Variants in OR2L13 observed in about 807,000 individuals in gnomAD.
OR2L13 encodes olfactory receptor 2L13.
A neutral mutation model predicts 15.3 loss-of-function variants in OR2L13; 14 were observed. The ratio of observed to expected loss-of-function variants is 0.91; its 90% CI spans 0.60 to 1.43. OR2L13 has a LOEUF of 1.43. Ranked by LOEUF, OR2L13 falls within the 40% of genes most tolerant of loss-of-function variation. The pLI, the probability that OR2L13 is intolerant of heterozygous loss-of-function variation, is 0.00. For missense variants in OR2L13, 367 were observed against 387.9 expected (o/e 0.95, Z 0.45); for synonymous variants, 152 against 142.9 (o/e 1.06, Z -0.45).
the OR2L13 span, among the ~76,000 whole-genome samples, chr1:248,027,679 G>C: frequency 3.1e-3 from 474 of 152,168 alleles, 3 homozygotes; most frequent in Middle Eastern, 0.031. Flanking sequence ...GATATATTGG[G>C]CCTAAAAATA....
At chr1:248,098,766 C>A (rs1219794088) in exon 2 of OR2L13, 1 of 152,314 alleles carries the variant, frequency 6.6e-6, no homozygotes. Flanking sequence ...ACCTCTCACT[C>A]CAAGCCCAGG....
the OR2L13 span, among the ~76,000 whole-genome samples, chr1:247,982,040 C>T: frequency 5.3e-5 from 8 of 152,298 alleles, no homozygotes; most frequent in Non-Finnish European, 1.2e-4. Context: ...TGGTCTCAAT[C>T]TCCTGACCTC....
chr1:247,958,645 A>G, the OR2L13 span, among the ~76,000 whole-genome samples: 21 of 152,250 alleles, frequency 1.4e-4, no homozygotes, highest in African/African-American at 4.8e-4. Context: ...GTGCATATAT[A>G]TTTAGGATAG....
the OR2L13 span, among the ~76,000 whole-genome samples, chr1:248,082,309 A>T: frequency 1.6e-5 from 2 of 125,054 alleles, no homozygotes; most frequent in African/African-American, 6.2e-5. Flanking sequence ...ACATGGACAC[A>T]GGAAGGGGAA....
the OR2L13 span, chr1:248,084,342 G>T: frequency 3.1e-6 from 5 of 1,612,816 alleles, no homozygotes; most frequent in East Asian, 2.2e-5. Flanking sequence ...CTTATTTCCG[G>T]TCAAGTAGTC....
the OR2L13 span, chr1:247,990,513 G>C: frequency 1.3e-6 from 2 of 1,575,380 alleles, no homozygotes; most frequent in East Asian, 2.2e-5. Flanking sequence ...GATGGTTTAT[G>C]ATTTTTCTGT....
chr1:248,081,418 G>A, the OR2L13 span, among the ~76,000 whole-genome samples: 13,692 of 151,818 alleles, frequency 0.09, 831 homozygotes, highest in African/African-American at 0.17. Context: ...TGTAGCTTTC[G>A]CCTGTATATT....
chr1:248,076,694 T>C, the OR2L13 span, among the ~76,000 whole-genome samples: 1 of 152,230 alleles, frequency 6.6e-6, no homozygotes, highest in Non-Finnish European at 1.5e-5. Context: ...ATTGATTTTG[T>C]ATCCTGAGAC....
At chr1:248,084,679 C>G in the OR2L13 span, 45 of 1,496,746 alleles carry the variant, frequency 3.0e-5, no homozygotes, top group African/African-American at 3.5e-4. Flanking sequence ...TAACTTCCCT[C>G]TTTTTTTTCA....
At chr1:248,046,916 A>C in the OR2L13 span, 1 of 152,178 alleles carries the variant, frequency 6.6e-6, no homozygotes, top group Non-Finnish European at 1.5e-5. Flanking sequence ...ATTTTTATTG[A>C]TTACAGGGAA....
chr1:248,006,225 T>G, the OR2L13 span, among the ~76,000 whole-genome samples: 1 of 150,594 alleles, frequency 6.6e-6, no homozygotes, highest in Non-Finnish European at 1.5e-5. Context: ...CCTGTGGTAC[T>G]GTGAAATATT....
the OR2L13 span, chr1:248,061,682 T>C: frequency 7.2e-7 from 1 of 1,382,980 alleles, no homozygotes; most frequent in Non-Finnish European, 9.7e-7. Context: ...TGTATAGTAA[T>C]TAAAATATTA....
chr1:248,078,893 T>C, the OR2L13 span, among the ~76,000 whole-genome samples: 1 of 152,256 alleles, frequency 6.6e-6, no homozygotes, highest in African/African-American at 2.4e-5. Context: ...ACATAATGTA[T>C]GTTTTATATC....
chr1:247,990,877 A>C, the OR2L13 span: 1 of 1,509,608 alleles, frequency 6.6e-7, no homozygotes. Context: ...GAGCACCACC[A>C]TTTTTCTTGT....
chr1:247,991,415 G>A, the OR2L13 span, among the ~76,000 whole-genome samples: 9 of 149,204 alleles, frequency 6.0e-5, 1 homozygote, highest in South Asian at 6.4e-4. Flanking sequence ...AAGATAGATC[G>A]TATATTCATT....
chr1:248,042,356 G>A, the OR2L13 span: 1 of 121,326 alleles, frequency 8.2e-6, no homozygotes, highest in Non-Finnish European at 1.7e-5. Flanking sequence ...GGACTGTTGT[G>A]GGGTGGGGGG....
the OR2L13 span, chr1:248,022,905 A>G: frequency 4.7e-5 from 75 of 1,581,194 alleles, no homozygotes; most frequent in Non-Finnish European, 6.0e-5. Flanking sequence ...TCTGTGTTAG[A>G]GTCAAAGCGC....
At chr1:248,002,854 CAAA>C in the OR2L13 span, among the ~76,000 whole-genome samples, 4 of 123,860 alleles carry the variant, frequency 3.2e-5, no homozygotes, top group African/African-American at 5.8e-5. Context: ...GACTCCAGCT[CAAA>C]AAAAAAAAAA....
At chr1:248,028,278 G>T in the OR2L13 span, among the ~76,000 whole-genome samples, 14 of 151,274 alleles carry the variant, frequency 9.3e-5, no homozygotes, top group Non-Finnish European at 1.5e-4. Flanking sequence ...TGCTGTTTTG[G>T]TGTTTTGGTC....
Sources: allele counts gnomAD v4.1 joint callset (sites outside exome capture counted in the v4.1 genomes callset), GRCh38; gene constraint gnomAD v4.1.1; transcripts MANE v1.5; gene names NCBI Gene and HGNC (gene_info 2026-07-23, HGNC 2026-07-21).